PCED1B: variants seen among roughly 807,000 people sequenced by gnomAD.
PCED1B encodes the protein PC-esterase domain containing 1B, also known as PC-esterase domain-containing protein 1B.
For missense variants in PCED1B, 573 were observed against 573.9 expected (o/e 1.00, Z 0.02); for synonymous variants, 251 against 246.1 (o/e 1.02, Z -0.19).
At position 47,172,251 on chromosome 12, in the gene PCED1B, T is replaced by C. The variant is rs118076666; in HGVS notation, c.-525-43971T>C. 3.3e-3 allele frequency among the ~76,000 whole-genome samples: 507 copies of C among 152,276 alleles called. 8 individuals are homozygous for C. The South Asian group carries it at 0.041, about 12-fold the overall frequency. Reference sequence around the variant, plus strand: ...CCTTATTTTGAGATACTTCTTCCAATTGTTCTTTCAGGCTACTAATTTGAA... The same window carrying C: ...CCTTATTTTGAGATACTTCTTCCAACTGTTCTTTCAGGCTACTAATTTGAA... On this transcript the variant is annotated intron_variant, in intron 2 of 3. Transcript: ENST00000546455.
chr12:47,174,034 C>T (rs1380618580), intron 2 of PCED1B, among the ~76,000 whole-genome samples: 1 of 151,636 alleles, frequency 6.6e-6, no homozygotes, highest in African/African-American at 2.4e-5. Context: ...AATCCCAGCA[C>T]TTTGGAAAGC....
intron 2 of PCED1B, among the ~76,000 whole-genome samples, chr12:47,136,959 T>G (rs553613897): frequency 5.3e-5 from 8 of 152,198 alleles, no homozygotes; most frequent in Non-Finnish European, 1.2e-4. Flanking sequence ...GTTTCTGTGG[T>G]TCTGTTTTCT....
At chr12:47,127,819 C>T (rs192344557) in intron 2 of PCED1B, among the ~76,000 whole-genome samples, 6 of 152,244 alleles carry the variant, frequency 3.9e-5, no homozygotes, top group Non-Finnish European at 8.8e-5. Flanking sequence ...GGGAATTCTG[C>T]TGTTGTTGGA....
chr12:47,102,585 G>T (rs1938757407), intron 1 of PCED1B, among the ~76,000 whole-genome samples: 1 of 152,156 alleles, frequency 6.6e-6, no homozygotes, highest in Admixed American at 6.5e-5. Flanking sequence ...GGTCAGGAAT[G>T]ATTTACCACT....
chr12:47,207,857 C>T (rs1942957579), intron 2 of PCED1B, among the ~76,000 whole-genome samples: 1 of 152,038 alleles, frequency 6.6e-6, no homozygotes, highest in Non-Finnish European at 1.5e-5. Flanking sequence ...ATAACAAGCT[C>T]CTTCTCTAGT....
chr12:47,188,160 G>A (rs1465667687), intron 2 of PCED1B, among the ~76,000 whole-genome samples: 1 of 152,088 alleles, frequency 6.6e-6, no homozygotes, highest in Non-Finnish European at 1.5e-5. Flanking sequence ...CCTTACTAAG[G>A]ACTTTGGGGA....
At chr12:47,113,368 A>G (rs1178906371) in intron 2 of PCED1B, among the ~76,000 whole-genome samples, 1 of 152,244 alleles carries the variant, frequency 6.6e-6, no homozygotes, top group Non-Finnish European at 1.5e-5. Context: ...CAGCTTACAT[A>G]CATGATTTAG....
intron 2 of PCED1B, among the ~76,000 whole-genome samples, chr12:47,173,809 A>C (rs539509107): frequency 2.0e-5 from 3 of 152,248 alleles, no homozygotes; most frequent in African/African-American, 7.2e-5. Flanking sequence ...ATCTTTAAAA[A>C]AATGATTATA....
chr12:47,149,403 T>G (rs1314544078), intron 2 of PCED1B, among the ~76,000 whole-genome samples: 1 of 152,232 alleles, frequency 6.6e-6, no homozygotes, highest in African/African-American at 2.4e-5. Flanking sequence ...TGCCTCACAC[T>G]TTCTGCTACC....
At position 47,200,210 on chromosome 12, in the gene PCED1B, C is replaced by A. The variant is rs188916165; in HGVS notation, c.-525-16012C>A. The stretch of plus-strand genomic sequence containing the variant: ...ATCTTGCCTCAAAAAAAAAAAAATT[C>A]TATCCAAAATATGTAAAGTGTTAAT... On this transcript the variant is annotated intron_variant, in intron 2 of 3. Transcript: ENST00000546455. Among the ~76,000 whole-genome samples the A allele has an allele frequency of 9.0e-4, 136 of 150,992 alleles. 1 individual carries two copies. The highest frequency in any genetic ancestry group is 3.2e-3 in the African/African-American group (131 of 41,290).
intron 2 of PCED1B, among the ~76,000 whole-genome samples, chr12:47,199,704 A>T (rs986997936): frequency 6.6e-6 from 1 of 152,234 alleles, no homozygotes; most frequent in Non-Finnish European, 1.5e-5. Flanking sequence ...CAGACTTTGC[A>T]CCTTTCACAA....
chr12:47,090,278 G>A (rs1206744742), intron 1 of PCED1B, among the ~76,000 whole-genome samples: 1 of 152,136 alleles, frequency 6.6e-6, no homozygotes, highest in Non-Finnish European at 1.5e-5. Context: ...ATATCAGAAA[G>A]ACATTATCAG....
At chr12:47,102,616 G>A (rs1183913531) in intron 1 of PCED1B, among the ~76,000 whole-genome samples, 8 of 152,174 alleles carry the variant, frequency 5.3e-5, no homozygotes, top group African/African-American at 1.9e-4. Flanking sequence ...TATGGCACAA[G>A]CTAAAGAGCC....
chr12:47,208,450 C>T (rs1477028840), intron 2 of PCED1B: 1 of 152,338 alleles, frequency 6.6e-6, no homozygotes, highest in African/African-American at 2.4e-5. Context: ...CACTCAGGCT[C>T]TAGAGTGCAG....
At chr12:47,097,443 GA>G (rs1398951398) in intron 1 of PCED1B, among the ~76,000 whole-genome samples, 1 of 152,230 alleles carries the variant, frequency 6.6e-6, no homozygotes, top group Non-Finnish European at 1.5e-5. Flanking sequence ...CCTAAGGGAA[GA>G]AGGGAAGGCA....
At chr12:47,135,758 G>A (rs1326388139) in intron 2 of PCED1B, 4 of 530,736 alleles carry the variant, frequency 7.5e-6, no homozygotes, top group Non-Finnish European at 1.1e-5. Context: ...TCTCACTGCA[G>A]ATGTGGATCA....
chr12:47,223,229 C>T (rs780872884), intron 3 of PCED1B, among the ~76,000 whole-genome samples: 9 of 152,056 alleles, frequency 5.9e-5, no homozygotes, highest in Non-Finnish European at 1.0e-4. Context: ...GACTTGAGGG[C>T]TGGGTTTCTC....
chr12:47,181,372 TA>T (rs1179677195), intron 2 of PCED1B, among the ~76,000 whole-genome samples: 1 of 130,464 alleles, frequency 7.7e-6, no homozygotes, highest in Non-Finnish European at 1.6e-5. Flanking sequence ...ATTCTTTCAT[TA>T]TTTTTTTTTT....
At chr12:47,202,996 G>A (rs2137719757) in intron 2 of PCED1B, among the ~76,000 whole-genome samples, 1 of 145,144 alleles carries the variant, frequency 6.9e-6, no homozygotes, top group South Asian at 2.2e-4. Flanking sequence ...TCCTGAGACA[G>A]TCTGGCTCTG....
Sources: gnomAD v4.1 joint callset for allele counts (sites outside exome capture counted in the v4.1 genomes callset) on GRCh38, gnomAD v4.1.1 for gene constraint, MANE v1.5 for transcripts, NCBI Gene and HGNC (gene_info 2026-07-23, HGNC 2026-07-21) for gene names.